Variants in ACCSL observed in about 807,000 individuals in gnomAD.
ACCSL encodes probable inactive 1-aminocyclopropane-1-carboxylate synthase-like protein 2.
A neutral mutation model predicts 61.7 loss-of-function variants in ACCSL; 55 were observed. The ratio of observed to expected loss-of-function variants is 0.89; its 90% CI spans 0.72 to 1.12. ACCSL has a LOEUF of 1.12. Ranked by LOEUF, ACCSL falls within the 50% of genes most tolerant of loss-of-function variation. The pLI is 0.00. For synonymous variants in ACCSL, 258 were observed against 264.3 expected (o/e 0.98, Z 0.23); for missense variants, 632 against 698.0 (o/e 0.91, Z 1.07).
intron 8 of ACCSL, among the ~76,000 whole-genome samples, chr11:44,054,479 T>C (rs1590431634): frequency 6.6e-6 from 1 of 151,030 alleles, no homozygotes; most frequent in Non-Finnish European, 1.5e-5. Context: ...TTTTTTGAGA[T>C]GGAGTCTCGC....
At chr11:44,027,486 G>A in the ACCSL span, among the ~76,000 whole-genome samples, 1 of 152,186 alleles carries the variant, frequency 6.6e-6, no homozygotes, top group Non-Finnish European at 1.5e-5. Context: ...ATGAAAATTA[G>A]GTAGAGAGCT....
chr11:43,972,281 G>C, the ACCSL span, among the ~76,000 whole-genome samples: 1 of 152,166 alleles, frequency 6.6e-6, no homozygotes, highest in African/African-American at 2.4e-5. Flanking sequence ...CTAGAACCTA[G>C]ACCAGTGTTC....
At chr11:43,929,089 C>A in the ACCSL span, among the ~76,000 whole-genome samples, 3 of 152,218 alleles carry the variant, frequency 2.0e-5, no homozygotes, top group Non-Finnish European at 4.4e-5. Context: ...CCTGAGTTTC[C>A]CCATCTTCTA....
At chr11:43,923,192 C>T in the ACCSL span, among the ~76,000 whole-genome samples, 1 of 152,174 alleles carries the variant, frequency 6.6e-6, no homozygotes, top group African/African-American at 2.4e-5. Context: ...CCCTGCAGTG[C>T]GCTGAATGCT....
the ACCSL span, among the ~76,000 whole-genome samples, chr11:44,034,990 C>G: frequency 6.6e-6 from 1 of 152,250 alleles, no homozygotes; most frequent in Non-Finnish European, 1.5e-5. Context: ...AGATCCATTC[C>G]TCAACTACAG....
At chr11:43,969,201 A>G in the ACCSL span, among the ~76,000 whole-genome samples, 1 of 151,988 alleles carries the variant, frequency 6.6e-6, no homozygotes, top group Admixed American at 6.6e-5. Flanking sequence ...AAACAAAAAC[A>G]AAAACAAAAA....
At chr11:44,015,932 A>G in the ACCSL span, among the ~76,000 whole-genome samples, 1 of 152,216 alleles carries the variant, frequency 6.6e-6, no homozygotes, top group Non-Finnish European at 1.5e-5. Context: ...AATAAATTAT[A>G]TTAATTTCTT....
At chr11:44,044,648 C>G (rs1004732268), upstream of ACCSL, among the ~76,000 whole-genome samples, 8 of 151,982 alleles carry the variant, frequency 5.3e-5, no homozygotes, top group Admixed American at 5.2e-4. Context: ...AGAAGGAAGG[C>G]TGGAAGAGTT....
Position 44,048,342 on chromosome 11 carries a change from G to A in ACCSL, c.306G>A (p.Arg102=), listed in dbSNP as rs769239667. The part of the protein sequence containing the change: ...LQVPLPSEDS[R]GDVRYGQRAQ... Reference sequence around the variant, plus strand: ...TGCCTCTTCCTTCTGAGGACTCTAGGGGTGATGTCAGATATGGGCAGAGGG... The same window carrying A: ...TGCCTCTTCCTTCTGAGGACTCTAGAGGTGATGTCAGATATGGGCAGAGGG... The change falls in exon 1 of 14, where the codon AGG becomes AGA. Residue 102 remains arginine, a synonymous_variant. Transcript: ENST00000378832. 2 of 1,613,976 alleles carry A rather than the reference G, an allele frequency of 1.2e-6. No individual in the cohort carries two copies. Among genetic ancestry groups the A allele is most frequent in the Non-Finnish European group, 1.7e-6 (2 of 1,180,020 alleles).
At chr11:44,058,797 C>T in intron 13 of ACCSL, 98 bp downstream of exon 13, 5 of 1,376,862 alleles carry the variant, frequency 3.6e-6, no homozygotes, top group Non-Finnish European at 4.9e-6. Context: ...TAGATCTAGC[C>T]CTTTATTCCC....
the ACCSL span, among the ~76,000 whole-genome samples, chr11:43,990,057 C>T: frequency 6.6e-6 from 1 of 152,340 alleles, no homozygotes; most frequent in East Asian, 1.9e-4. Flanking sequence ...CTTCCCAGAG[C>T]CCTGACCCCA....
At chr11:43,954,605 G>A in the ACCSL span, among the ~76,000 whole-genome samples, 71,264 of 149,824 alleles carry the variant, frequency 0.48, 18,006 homozygotes, top group African/African-American at 0.63. Flanking sequence ...TTTTTTTGAG[G>A]TGGAATTTTG....
chr11:44,041,318 T>A, the ACCSL span, among the ~76,000 whole-genome samples: 1 of 152,216 alleles, frequency 6.6e-6, no homozygotes. Context: ...TGAAACTACT[T>A]GAATGGGTCA....
chr11:44,059,218 G>A (rs1448864813), intron 13 of ACCSL, among the ~76,000 whole-genome samples: 1 of 152,128 alleles, frequency 6.6e-6, no homozygotes, highest in Non-Finnish European at 1.5e-5. Context: ...CTCCAGCCTG[G>A]GCGACAGAGT....
the ACCSL span, among the ~76,000 whole-genome samples, chr11:43,975,021 G>A: frequency 6.6e-6 from 1 of 152,196 alleles, no homozygotes; most frequent in Non-Finnish European, 1.5e-5. Context: ...TACCAGGAGT[G>A]GGGTGTTATC....
chr11:43,951,383 T>C, the ACCSL span, among the ~76,000 whole-genome samples: 1 of 152,178 alleles, frequency 6.6e-6, no homozygotes, highest in Admixed American at 6.5e-5. Context: ...CTCCAATCTA[T>C]TGTTTTAGAA....
At chr11:44,048,818 G>A (rs895419337) in intron 1 of ACCSL, among the ~76,000 whole-genome samples, 1 of 152,142 alleles carries the variant, frequency 6.6e-6, no homozygotes, top group Non-Finnish European at 1.5e-5. Flanking sequence ...AAATGAGCCT[G>A]CCGTTAAAGA....
chr11:43,943,135 GA>G, the ACCSL span: 1 of 1,499,092 alleles, frequency 6.7e-7, no homozygotes, highest in Non-Finnish European at 8.9e-7. The surrounding 1 kb of genome is among the most constrained non-coding windows in gnomAD (Gnocchi z 4.8). Flanking sequence ...TGGAGGAGGA[GA>G]AGGCCAAGAA....
the ACCSL span, among the ~76,000 whole-genome samples, chr11:43,965,250 T>A: frequency 6.6e-6 from 1 of 152,176 alleles, no homozygotes; most frequent in African/African-American, 2.4e-5. Flanking sequence ...AATTCAGAAA[T>A]TTTGCAAGGT....
Sources: gnomAD v4.1 joint callset for allele counts (sites outside exome capture counted in the v4.1 genomes callset) on GRCh38, gnomAD v4.1.1 for gene constraint, Gnocchi (gnomAD v3.1) non-coding constraint, MANE v1.5 for transcripts, NCBI Gene and HGNC (gene_info 2026-07-23, HGNC 2026-07-21) for gene names.